The following ASIC5 variants were observed in gnomAD, a reference collection of about 807,000 sequenced individuals.
ASIC5 encodes acid sensing ion channel subunit family member 5.
Under a neutral mutation model 51.2 loss-of-function variants are expected in ASIC5, and 52 were observed. That is an observed-to-expected ratio of 1.02 (90% CI 0.81 to 1.28). ASIC5 has a LOEUF of 1.28. Ranked by LOEUF, ASIC5 falls within the 50% of genes most tolerant of loss-of-function variation. ASIC5 has a pLI of 0.00. For synonymous variants in ASIC5, 231 were observed against 200.7 expected (o/e 1.15, Z -1.28); for missense variants, 635 against 595.0 (o/e 1.07, Z -0.70).
chr4:155,850,907 T>A (rs547583672), intron 4 of ASIC5, among the ~76,000 whole-genome samples: 1 of 152,168 alleles, frequency 6.6e-6, no homozygotes, highest in South Asian at 2.1e-4. Context: ...TTTTAGGCTA[T>A]AAGAAGAAGG....
intron 1 of ASIC5, among the ~76,000 whole-genome samples, chr4:155,865,766 G>T (rs1741846976): frequency 6.6e-6 from 1 of 152,012 alleles, no homozygotes; most frequent in Non-Finnish European, 1.5e-5. Context: ...AGTTTGCAAA[G>T]CAGAAACTTC....
chr4:155,854,723 T>C (rs146512379), intron 2 of ASIC5: 1 of 171,802 alleles, frequency 5.8e-6, no homozygotes, highest in African/African-American at 2.4e-5. Context: ...TGAGTTTCAC[T>C]GTCGTGCAGG....
chr4:155,861,635 T>C (rs1276426234), intron 2 of ASIC5, among the ~76,000 whole-genome samples: 1 of 152,070 alleles, frequency 6.6e-6, no homozygotes, highest in South Asian at 2.1e-4. Context: ...AACCTTTGCC[T>C]TTCAATTGGA....
Position 155,863,683 on chromosome 4 carries a change from C to A in ASIC5, c.112G>T (p.Asp38Tyr). 6.2e-7 allele frequency: 1 copy of A among 1,613,890 alleles called. No individual in the cohort carries two copies. Among genetic ancestry groups the A allele is most frequent in the Non-Finnish European group, 8.5e-7 (1 of 1,179,898 alleles). ...GAAGTGGAGATGGCAAAGTCATGGTCAAACTTCTTTCGCTCAGTGGGAGAT... is the reference window on the plus strand; with the variant it reads ...GAAGTGGAGATGGCAAAGTCATGGTAAAACTTCTTTCGCTCAGTGGGAGAT... ...LPSPTERKKF[D>Y]HDFAISTSFH... The change falls in exon 2 of 10, where the codon GAC becomes TAC. Residue 38 changes from aspartate (D) to tyrosine (Y), a missense_variant. Transcript: ENST00000537611.
intron 7 of ASIC5, among the ~76,000 whole-genome samples, chr4:155,837,307 A>T (rs1296685183): frequency 6.6e-6 from 1 of 152,194 alleles, no homozygotes; most frequent in East Asian, 1.9e-4. Context: ...TACAATGGTA[A>T]GAAATGTGCT....
chr4:155,866,175 C>T lies in ASIC5; in HGVS notation c.40+12G>A, dbSNP rs1298472755. 4 of 1,574,818 alleles carry T rather than the reference C, an allele frequency of 2.5e-6. No homozygotes were observed. The highest frequency in any genetic ancestry group is 1.1e-5 in the South Asian group (1 of 89,674). On this transcript the variant is annotated intron_variant, in intron 1 of 9. Transcript: ENST00000537611. ...AAATATTACTGCTCTGAGGAGTTCA[C>T]TCTTTACTCACCGTTCTCAGCATAT...
At chr4:155,831,757 G>A in intron 9 of ASIC5, 67 bp downstream of exon 9, 1 of 1,073,578 alleles carries the variant, frequency 9.3e-7, no homozygotes, top group African/African-American at 1.6e-5. Flanking sequence ...CTGGGCTACA[G>A]AGCGAGATTC....
In ASIC5 at chr4:155,835,040, C is replaced by A. The variant is rs185008534; in HGVS notation, c.1235+1649G>T. Among the ~76,000 whole-genome samples the A allele has an allele frequency of 3.3e-5, 5 of 152,306 alleles. No homozygotes were observed. The East Asian group carries it at 9.7e-4, about 29-fold the overall frequency. The stretch of plus-strand genomic sequence containing the variant: ...CCACCACTCAATAAAACCTTGCACC[C>A]ATCCTTCGAGCCCGTGTGTAATCCA... On this transcript the variant is annotated intron_variant, in intron 8 of 9. Transcript: ENST00000537611.
At chr4:155,830,091 A>G in intron 9 of ASIC5, 45 bp from the exon 10 acceptor site, 1 of 1,338,046 alleles carries the variant, frequency 7.5e-7, no homozygotes, top group South Asian at 1.5e-5. Flanking sequence ...TTTTTCATAA[A>G]AAACAAATAT....
At chr4:155,830,537 T>A (rs1415316496) in intron 9 of ASIC5, among the ~76,000 whole-genome samples, 1 of 152,226 alleles carries the variant, frequency 6.6e-6, no homozygotes, top group Non-Finnish European at 1.5e-5. Flanking sequence ...CTTTTTGATA[T>A]TTTAAAATTT....
In ASIC5 at chr4:155,831,831, C is replaced by G. The variant is rs143794658; in HGVS notation, c.1320G>C (p.Glu440Asp). The stretch of plus-strand genomic sequence containing the variant: ...CAATTAAATAACACTTACCAAGTAA[C>G]TCAGACACACTCACCGCCTTTTGCT... ...TQQQKAVSVS[E>D]LLADLGGQLG... The change falls in exon 9 of 10, where the codon GAG (glutamate) becomes GAC (aspartate). Residue 440 changes from glutamate (E) to aspartate (D), a missense_variant. Transcript: ENST00000537611. The G allele has an allele frequency of 3.8e-6, 6 of 1,587,312 alleles. No homozygotes were observed. The African/African-American group carries it at 6.7e-5, about 18-fold the overall frequency.
At chr4:155,846,983 A>C (rs182676659) in intron 4 of ASIC5, among the ~76,000 whole-genome samples, 1 of 152,198 alleles carries the variant, frequency 6.6e-6, no homozygotes, top group African/African-American at 2.4e-5. Context: ...AGAAAGCTAT[A>C]AAAATAAGGA....
intron 2 of ASIC5, among the ~76,000 whole-genome samples, chr4:155,855,733 T>C (rs146729873): frequency 6.7e-6 from 1 of 149,630 alleles, no homozygotes; most frequent in East Asian, 2.0e-4. Context: ...TGTGTGTATA[T>C]ATATACATAT....
intron 4 of ASIC5, among the ~76,000 whole-genome samples, chr4:155,848,732 A>T (rs1247990919): frequency 6.6e-6 from 1 of 152,040 alleles, no homozygotes; most frequent in Non-Finnish European, 1.5e-5. Context: ...AACTTTGGAG[A>T]TTGTAACATC....
At position 155,863,503 on chromosome 4, in the gene ASIC5, C is replaced by A; in HGVS notation, c.292G>T (p.Val98Phe). 1.2e-6 allele frequency: 2 copies of A among 1,613,692 alleles called. No individual in the cohort carries two copies. The highest frequency in any genetic ancestry group is 2.2e-5 in the South Asian group (2 of 91,056). ...FTWPTTTSIE[V>F]QYVEKMEFPA... The stretch of plus-strand genomic sequence containing the variant: ...AACTCCATCTTTTCCACATATTGAA[C>A]CTCAATGGACGTTGTGGTTGGCCAT... Residue 98 changes from valine to phenylalanine, a missense_variant, in exon 2 of 10, where the codon GTT (valine) becomes TTT (phenylalanine). Val to Phe is a conservative substitution (Grantham distance 50). Coordinates refer to ENST00000537611, the MANE Select transcript of ASIC5 (RefSeq NM_017419.3).
rs1741131621 is a variant in ASIC5 at position 155,842,124 on chromosome 4, T to C, written c.1009+83A>G. ...TAATATTCCATTTGTATTTCAATAC[T>C]CTATTTCTCCCAGACCTTTTGTAAC... On this transcript the variant is annotated intron_variant, in intron 6 of 9. Coordinates refer to ENST00000537611, the MANE Select transcript of ASIC5 (RefSeq NM_017419.3). The C allele has an allele frequency of 1.1e-5, 14 of 1,291,344 alleles. No homozygotes were observed. In the South Asian group the frequency reaches 1.9e-4, roughly 17 times the overall value. 80.0% of individuals were successfully genotyped at this position (1,291,344 alleles called of 1,614,324 possible).
At chr4:155,863,417 A>T (rs1400954583) in intron 2 of ASIC5, 31 bp downstream of exon 2, 3 of 1,519,326 alleles carry the variant, frequency 2.0e-6, no homozygotes, top group Non-Finnish European at 2.7e-6. Flanking sequence ...AATTTATAGG[A>T]ACTAATTATT....
chr4:155,831,845 C>T lies in ASIC5; in HGVS notation c.1306G>A (p.Val436Met). 1 of 1,604,694 alleles carries T rather than the reference C, an allele frequency of 6.2e-7. No individual in the cohort carries two copies. Among genetic ancestry groups the T allele is most frequent in the Non-Finnish European group, 8.5e-7 (1 of 1,172,098 alleles). The change falls in exon 9 of 10, where the codon GTG becomes ATG. Residue 436 changes from valine to methionine, a missense_variant. By Grantham distance (21) the Val-to-Met change is conservative. Coordinates refer to ENST00000537611, the MANE Select transcript of ASIC5 (RefSeq NM_017419.3). The stretch of plus-strand genomic sequence containing the variant: ...TTACCAAGTAACTCAGACACACTCA[C>T]CGCCTTTTGCTGCTGGGTTATCTTA... Reference protein sequence around the residue: ...NYKITQQQKAVSVSELLADLG... With the variant: ...NYKITQQQKAMSVSELLADLG...
In ASIC5 at chr4:155,863,670, GC is replaced by G. The variant is rs758177530; in HGVS notation, c.124del (p.Ala42ProfsTer35). 1.9e-6 allele frequency: 3 copies of G among 1,613,770 alleles called. No homozygotes were observed. In the South Asian group the frequency reaches 3.3e-5, roughly 18 times the overall value. On this transcript the variant is annotated frameshift_variant, in exon 2 of 10. Coordinates refer to ENST00000537611, the MANE Select transcript of ASIC5 (RefSeq NM_017419.3). LOFTEE classifies it high-confidence loss of function. ...TATCCCATGAAAGGAAGTGGAGATG[GC>G]AAAGTCATGGTCAAACTTCTTTCGC... ...TERKKFDHDF[A>X]ISTSFHGIHN... is the part of the protein sequence containing the mutation.
Sources: allele counts gnomAD v4.1 joint callset (sites outside exome capture counted in the v4.1 genomes callset), GRCh38; gene constraint gnomAD v4.1.1; transcripts MANE v1.5; gene names NCBI Gene and HGNC (gene_info 2026-07-23, HGNC 2026-07-21).